Variants in PRKN observed in about 807,000 individuals in gnomAD.
PRKN encodes parkin RBR E3 ubiquitin protein ligase.
PRKN carries 56 observed loss-of-function variants against 59.5 expected under a neutral mutation model. The ratio of observed to expected loss-of-function variants is 0.94; its 90% CI spans 0.76 to 1.18. The LOEUF (loss-of-function observed/expected upper bound fraction) is 1.18. Among genes scored for constraint, PRKN ranks in the 50% most tolerant of loss-of-function variants. PRKN has a pLI of 0.00. For missense variants in PRKN, 657 were observed against 596.4 expected (o/e 1.10, Z -1.06); for synonymous variants, 250 against 222.1 (o/e 1.13, Z -1.12).
At chr6:161,718,750 T>C (rs1787096956) in intron 7 of PRKN, among the ~76,000 whole-genome samples, 1 of 152,186 alleles carries the variant, frequency 6.6e-6, no homozygotes, top group Non-Finnish European at 1.5e-5. Flanking sequence ...TCACTCTTTC[T>C]GGAAATGATG....
intron 2 of PRKN, among the ~76,000 whole-genome samples, chr6:162,430,918 A>G (rs150736188): frequency 1.3e-5 from 2 of 152,318 alleles, no homozygotes; most frequent in Non-Finnish European, 2.9e-5. Context: ...AAAAGGGCAG[A>G]ACAAATCTAA....
intron 9 of PRKN, among the ~76,000 whole-genome samples, chr6:161,506,735 C>A (rs922979271): frequency 3.3e-5 from 5 of 152,082 alleles, no homozygotes; most frequent in African/African-American, 1.2e-4. Flanking sequence ...ATAATGCTAA[C>A]GGTAAAAGAG....
intron 1 of PRKN, among the ~76,000 whole-genome samples, chr6:162,511,452 T>A (rs572383377): frequency 1.3e-5 from 2 of 149,046 alleles, no homozygotes; most frequent in East Asian, 2.0e-4. Context: ...CAAAAAAAAA[T>A]GTCTACAGTG....
chr6:162,446,160 A>G (rs746635882), intron 1 of PRKN, among the ~76,000 whole-genome samples: 24 of 152,214 alleles, frequency 1.6e-4, no homozygotes, highest in Non-Finnish European at 5.9e-5. Flanking sequence ...TCTTCACAGC[A>G]TCCTCAGATC....
In PRKN at chr6:161,473,960, T is replaced by C. The variant is rs1385903113; in HGVS notation, c.1083+74894A>G. On this transcript the variant is annotated intron_variant, in intron 9 of 11. Transcript: ENST00000366898. The surrounding 1 kb of genome is among the most constrained non-coding windows in gnomAD (Gnocchi z 4.1). ...GACTAGCGGGTTTTCTAATATCAAA[T>C]TTTATGCTTGTGGAAATCTATCCAC... Among the ~76,000 whole-genome samples the C allele has an allele frequency of 2.0e-5, 3 of 152,136 alleles. No individual in the cohort carries two copies. Among genetic ancestry groups the C allele is most frequent in the Admixed American group, 6.5e-5 (1 of 15,278 alleles).
intron 7 of PRKN, among the ~76,000 whole-genome samples, chr6:161,776,497 C>T (rs1199458806): frequency 6.6e-6 from 1 of 152,160 alleles, no homozygotes; most frequent in Non-Finnish European, 1.5e-5. Flanking sequence ...TAGACATGGG[C>T]AGAGGGAGTA....
intron 7 of PRKN, among the ~76,000 whole-genome samples, chr6:161,714,869 A>G (rs548599790): frequency 6.6e-6 from 1 of 152,304 alleles, no homozygotes; most frequent in East Asian, 1.9e-4. Context: ...GACACATATC[A>G]GTGTTTACTT....
intron 7 of PRKN, among the ~76,000 whole-genome samples, chr6:161,746,136 A>G (rs1273647617): frequency 9.9e-5 from 15 of 152,216 alleles, no homozygotes; most frequent in Non-Finnish European, 2.2e-4. Flanking sequence ...GCACTAATGA[A>G]ATAAGGGCCT....
intron 7 of PRKN, among the ~76,000 whole-genome samples, chr6:161,748,611 T>C (rs1788538095): frequency 6.6e-6 from 1 of 152,176 alleles, no homozygotes; most frequent in Non-Finnish European, 1.5e-5. Flanking sequence ...GGCTTTCTCA[T>C]CTTGGTCCAG....
intron 5 of PRKN, 71 bp downstream of exon 5, chr6:162,054,020 A>G: frequency 9.9e-7 from 1 of 1,014,092 alleles, no homozygotes; most frequent in South Asian, 1.3e-5. Flanking sequence ...TTTGTCTCTA[A>G]TTTCCTGGCA....
intron 4 of PRKN, among the ~76,000 whole-genome samples, chr6:162,139,826 C>T (rs1413551555): frequency 6.6e-6 from 1 of 151,642 alleles, no homozygotes; most frequent in African/African-American, 2.4e-5. Flanking sequence ...CAGAAGGTGC[C>T]TGCCTGCAAG....
At chr6:162,128,373 C>CTA (rs1781204283) in intron 4 of PRKN, among the ~76,000 whole-genome samples, 1 of 152,066 alleles carries the variant, frequency 6.6e-6, no homozygotes, top group East Asian at 1.9e-4. Flanking sequence ...TGAAGATACA[C>CTA]TATATATATT....
At chr6:162,704,704 G>A (rs969216662) in intron 1 of PRKN, among the ~76,000 whole-genome samples, 3 of 152,064 alleles carry the variant, frequency 2.0e-5, no homozygotes, top group Admixed American at 6.5e-5. Context: ...TCATTGACTC[G>A]TCTAAGAATT....
chr6:162,420,052 G>C (rs551712253), intron 2 of PRKN, among the ~76,000 whole-genome samples: 94 of 152,096 alleles, frequency 6.2e-4, no homozygotes, highest in Non-Finnish European at 1.1e-3. Flanking sequence ...CATTTATTGT[G>C]CACCTTATTT....
At chr6:161,469,573 A>G (rs1019054953) in intron 9 of PRKN, among the ~76,000 whole-genome samples, 78 of 139,006 alleles carry the variant, frequency 5.6e-4, no homozygotes, top group African/African-American at 1.9e-3. Context: ...GAGAGAGAGA[A>G]AGAGAGAGAG....
At chr6:161,798,938 T>C (rs1790966102) in intron 6 of PRKN, among the ~76,000 whole-genome samples, 1 of 152,128 alleles carries the variant, frequency 6.6e-6, no homozygotes. Flanking sequence ...CTCACCCTTT[T>C]CATCACAGGT....
Position 161,399,099 on chromosome 6 carries a change from G to A in PRKN, c.1084-12222C>T, listed in dbSNP as rs939552866. Among the ~76,000 whole-genome samples, 3 of 152,154 alleles carry A rather than the reference G, an allele frequency of 2.0e-5. No individual in the cohort carries two copies. Among genetic ancestry groups the A allele is most frequent in the Non-Finnish European group, 2.9e-5 (2 of 68,032 alleles). On this transcript the variant is annotated intron_variant, in intron 9 of 11. Transcript: ENST00000366898. The surrounding 1 kb of genome is among the most constrained non-coding windows in gnomAD (Gnocchi z 4.4). ...ATATCTGAATGTCGAGAGGAGTTCTGCTGCAGACAGTTAGAGAGGAGATTG... is the reference window on the plus strand; with the variant it reads ...ATATCTGAATGTCGAGAGGAGTTCTACTGCAGACAGTTAGAGAGGAGATTG...
At chr6:162,516,624 G>C (rs115812111) in intron 1 of PRKN, among the ~76,000 whole-genome samples, 13,394 of 151,896 alleles carry the variant, frequency 0.088, 623 homozygotes, top group South Asian at 0.16. Context: ...TGGTGGTGCA[G>C]CCTATAATCC....
At chr6:162,364,668 C>A (rs566336934) in intron 2 of PRKN, among the ~76,000 whole-genome samples, 1 of 152,026 alleles carries the variant, frequency 6.6e-6, no homozygotes, top group African/African-American at 2.4e-5. Flanking sequence ...TCTTAACATG[C>A]GGCGAGCTGG....
Sources: allele counts gnomAD v4.1 joint callset (sites outside exome capture counted in the v4.1 genomes callset), GRCh38; gene constraint gnomAD v4.1.1; non-coding constraint Gnocchi (gnomAD v3.1); transcripts MANE v1.5; gene names NCBI Gene and HGNC (gene_info 2026-07-23, HGNC 2026-07-21).